The following GALNT13 variants were observed in gnomAD, a reference collection of about 807,000 sequenced individuals.
GALNT13 encodes the protein polypeptide N-acetylgalactosaminyltransferase 13.
A neutral mutation model predicts 64.2 loss-of-function variants in GALNT13; 28 were observed. The ratio of observed to expected loss-of-function variants is 0.44; its 90% CI spans 0.32 to 0.60. The LOEUF (loss-of-function observed/expected upper bound fraction) is 0.60. Ranked by LOEUF, GALNT13 falls within the 20% of genes least tolerant of loss-of-function variation. The pLI is 0.05. For synonymous variants in GALNT13, 214 were observed against 224.6 expected (o/e 0.95, Z 0.42); for missense variants, 577 against 669.8 (o/e 0.86, Z 1.53).
chr2:153,774,035 G>T, the GALNT13 span, among the ~76,000 whole-genome samples: 1 of 152,080 alleles, frequency 6.6e-6, no homozygotes, highest in Non-Finnish European at 1.5e-5. Context: ...TGATTAGAAT[G>T]AATCATACTT....
At chr2:153,236,805 T>A in the GALNT13 span, among the ~76,000 whole-genome samples, 1 of 152,048 alleles carries the variant, frequency 6.6e-6, no homozygotes, top group African/African-American at 2.4e-5. Flanking sequence ...AATCAAGGAG[T>A]AATTATTACT....
At chr2:154,135,442 G>A (rs1682894910) in intron 3 of GALNT13, among the ~76,000 whole-genome samples, 2 of 151,946 alleles carry the variant, frequency 1.3e-5, no homozygotes, top group South Asian at 4.2e-4. Flanking sequence ...TTCTACATAA[G>A]AAATGAAAAA....
the GALNT13 span, among the ~76,000 whole-genome samples, chr2:153,361,274 A>G: frequency 6.6e-6 from 1 of 152,120 alleles, no homozygotes; most frequent in Non-Finnish European, 1.5e-5. Flanking sequence ...ATCAATGAAA[A>G]AACGCTGAAA....
the GALNT13 span, among the ~76,000 whole-genome samples, chr2:153,162,761 T>C: frequency 6.6e-6 from 1 of 152,206 alleles, no homozygotes; most frequent in Non-Finnish European, 1.5e-5. Context: ...AAATGTCAAA[T>C]GTAGTGAGAT....
At chr2:153,147,829 G>A in the GALNT13 span, among the ~76,000 whole-genome samples, 1 of 151,786 alleles carries the variant, frequency 6.6e-6, no homozygotes, top group East Asian at 1.9e-4. Context: ...TCTGCAAAAT[G>A]TTTTGGAGTT....
chr2:153,756,988 G>A, the GALNT13 span, among the ~76,000 whole-genome samples: 54,329 of 151,814 alleles, frequency 0.36, 10,268 homozygotes, highest in African/African-American at 0.43. Flanking sequence ...TTTAAAGAAC[G>A]TTTATTTATT....
At chr2:154,382,288 C>G (rs927880874) in intron 9 of GALNT13, among the ~76,000 whole-genome samples, 2 of 152,008 alleles carry the variant, frequency 1.3e-5, no homozygotes, top group Admixed American at 6.6e-5. Context: ...TAACAGAGAA[C>G]TAGACTATTA....
chr2:153,209,775 T>C, the GALNT13 span, among the ~76,000 whole-genome samples: 1 of 152,164 alleles, frequency 6.6e-6, no homozygotes, highest in African/African-American at 2.4e-5. Context: ...TAACACCTTA[T>C]TGATATTAAA....
the GALNT13 span, among the ~76,000 whole-genome samples, chr2:153,275,827 T>C: frequency 5.8e-4 from 89 of 152,240 alleles, no homozygotes; most frequent in Admixed American, 2.0e-3. Context: ...GAGCTTAAGG[T>C]TGAAGAACAG....
chr2:153,255,546 T>G, the GALNT13 span, among the ~76,000 whole-genome samples: 1 of 151,806 alleles, frequency 6.6e-6, no homozygotes, highest in Non-Finnish European at 1.5e-5. Flanking sequence ...CGTTAGTTGA[T>G]GCAGTTTCTT....
the GALNT13 span, among the ~76,000 whole-genome samples, chr2:153,289,071 G>A: frequency 6.6e-6 from 1 of 152,022 alleles, no homozygotes; most frequent in Non-Finnish European, 1.5e-5. Flanking sequence ...ATTACTCTCT[G>A]GATTTCTTTT....
chr2:153,578,102 G>A, the GALNT13 span, among the ~76,000 whole-genome samples: 1 of 152,028 alleles, frequency 6.6e-6, no homozygotes, highest in Admixed American at 6.6e-5. Context: ...AAGGAAACCT[G>A]TCTTTAAAAT....
the GALNT13 span, among the ~76,000 whole-genome samples, chr2:153,236,696 T>C: frequency 6.6e-6 from 1 of 152,094 alleles, no homozygotes; most frequent in Non-Finnish European, 1.5e-5. Context: ...TTATTGATCA[T>C]TGACAATGTT....
chr2:153,584,803 A>G, the GALNT13 span, among the ~76,000 whole-genome samples: 1 of 152,180 alleles, frequency 6.6e-6, no homozygotes, highest in African/African-American at 2.4e-5. Flanking sequence ...CCCTAACATG[A>G]CTGAGGAAAA....
the GALNT13 span, among the ~76,000 whole-genome samples, chr2:153,328,411 C>T: frequency 6.6e-6 from 1 of 152,226 alleles, no homozygotes. Context: ...ACAGCTACCC[C>T]TTCCCCCAAG....
At chr2:153,506,895 G>A in the GALNT13 span, among the ~76,000 whole-genome samples, 4 of 152,194 alleles carry the variant, frequency 2.6e-5, no homozygotes, top group Non-Finnish European at 5.9e-5. Flanking sequence ...TCACCAGCAA[G>A]GCCAGGGAAG....
the GALNT13 span, among the ~76,000 whole-genome samples, chr2:153,351,168 A>C: frequency 5.3e-5 from 8 of 152,188 alleles, no homozygotes; most frequent in Non-Finnish European, 1.0e-4. Flanking sequence ...TGGTGTGTGC[A>C]ACTTTACTTA....
chr2:154,398,405 G>C (rs1034995907), intron 10 of GALNT13, among the ~76,000 whole-genome samples: 1 of 152,192 alleles, frequency 6.6e-6, no homozygotes, highest in African/African-American at 2.4e-5. Context: ...ATTTTATGCT[G>C]TCCTGCACTA....
chr2:153,673,540 G>T, the GALNT13 span, among the ~76,000 whole-genome samples: 2 of 152,122 alleles, frequency 1.3e-5, no homozygotes, highest in African/African-American at 2.4e-5. Flanking sequence ...AATAAAGTAG[G>T]TATTGATAGA....
Sources: allele counts gnomAD v4.1 joint callset (sites outside exome capture counted in the v4.1 genomes callset), GRCh38; gene constraint gnomAD v4.1.1; transcripts MANE v1.5; gene names NCBI Gene and HGNC (gene_info 2026-07-23, HGNC 2026-07-21).